Variants in ALPK1 observed in about 807,000 individuals in gnomAD.
The protein encoded by ALPK1 is alpha kinase 1, also known as alpha-protein kinase 1.
In ALPK1, 110 loss-of-function variants were observed where a neutral mutation model predicts 120.6. The ratio of observed to expected loss-of-function variants is 0.91; its 90% CI spans 0.78 to 1.07. ALPK1 has a LOEUF of 1.07. Among genes scored for constraint, ALPK1 ranks in the 50% least tolerant of loss-of-function variants. The pLI is 0.00. For synonymous variants in ALPK1, 582 were observed against 560.3 expected (o/e 1.04, Z -0.55); for missense variants, 1,498 against 1,483.9 (o/e 1.01, Z -0.16).
At chr4:112,419,660 T>C (rs1733902665) in intron 5 of ALPK1, among the ~76,000 whole-genome samples, 1 of 152,182 alleles carries the variant, frequency 6.6e-6, no homozygotes, top group South Asian at 2.1e-4. Context: ...TGTTCCATCC[T>C]CTGATGAGAA....
intron 2 of ALPK1, among the ~76,000 whole-genome samples, chr4:112,340,294 G>A (rs769114989): frequency 2.0e-5 from 3 of 152,202 alleles, no homozygotes; most frequent in Admixed American, 6.5e-5. Context: ...CAAACATTGC[G>A]TAATATAGAA....
intron 1 of ALPK1, among the ~76,000 whole-genome samples, chr4:112,300,103 A>C (rs1000450419): frequency 3.3e-5 from 5 of 152,202 alleles, no homozygotes; most frequent in Non-Finnish European, 7.4e-5. Flanking sequence ...AAATAATTGC[A>C]AGCATTCTCA....
intron 2 of ALPK1, among the ~76,000 whole-genome samples, chr4:112,322,302 G>A (rs1170118852): frequency 1.3e-5 from 2 of 152,174 alleles, no homozygotes; most frequent in Admixed American, 6.5e-5. Context: ...TAAGCATGCT[G>A]TTCTTGTCAC....
intron 2 of ALPK1, among the ~76,000 whole-genome samples, chr4:112,341,458 G>C (rs1372657021): frequency 6.6e-6 from 1 of 152,228 alleles, no homozygotes; most frequent in Admixed American, 6.5e-5. Context: ...ACAACAGGCA[G>C]TTTGGGAGAG....
At chr4:112,374,509 G>A (rs548113627) in intron 2 of ALPK1, among the ~76,000 whole-genome samples, 5 of 152,226 alleles carry the variant, frequency 3.3e-5, no homozygotes, top group South Asian at 2.1e-4. Flanking sequence ...CATGAATCAC[G>A]AATGTTCTTA....
intron 2 of ALPK1, among the ~76,000 whole-genome samples, chr4:112,363,353 G>T (rs1239030521): frequency 6.6e-6 from 1 of 152,088 alleles, no homozygotes; most frequent in Non-Finnish European, 1.5e-5. Context: ...TAAGGTAAAG[G>T]GGTGGAAAAG....
intron 4 of ALPK1, among the ~76,000 whole-genome samples, chr4:112,407,517 G>C (rs1210862726): frequency 6.6e-6 from 1 of 152,106 alleles, no homozygotes; most frequent in African/African-American, 2.4e-5. Context: ...AAATAACAGA[G>C]AGAGAGACTT....
At chr4:112,359,123 G>A in intron 2 of ALPK1, 1 of 705,328 alleles carries the variant, frequency 1.4e-6, no homozygotes, top group Non-Finnish European at 2.7e-6. Context: ...CCAAGGCTGT[G>A]GCCCAGCAGC....
intron 2 of ALPK1, among the ~76,000 whole-genome samples, chr4:112,376,027 A>G (rs908016090): frequency 1.3e-5 from 2 of 152,226 alleles, no homozygotes; most frequent in South Asian, 2.1e-4. Context: ...CAGTCAGAAG[A>G]CACACAATAT....
intron 4 of ALPK1, among the ~76,000 whole-genome samples, chr4:112,396,002 A>C (rs112090719): frequency 1.0e-3 from 158 of 152,298 alleles, no homozygotes; most frequent in African/African-American, 3.4e-3. Flanking sequence ...AATCCATTCA[A>C]ACTCTTCATT....
intron 2 of ALPK1, among the ~76,000 whole-genome samples, chr4:112,374,271 C>T (rs1017998131): frequency 3.9e-5 from 6 of 152,224 alleles, no homozygotes; most frequent in African/African-American, 1.4e-4. Context: ...CAAGAAACCA[C>T]CTTCCTTGCC....
At chr4:112,363,374 C>G (rs1730998980) in intron 2 of ALPK1, among the ~76,000 whole-genome samples, 1 of 151,996 alleles carries the variant, frequency 6.6e-6, no homozygotes, top group Non-Finnish European at 1.5e-5. Flanking sequence ...ATATTGCATG[C>G]AAATGGACAC....
At chr4:112,409,128 T>C (rs911352909) in intron 4 of ALPK1, among the ~76,000 whole-genome samples, 1 of 150,802 alleles carries the variant, frequency 6.6e-6, no homozygotes, top group African/African-American at 2.4e-5. Context: ...TTCAGATTGA[T>C]ACGTTGGTTT....
At chr4:112,339,392 T>C (rs1343583403) in intron 2 of ALPK1, among the ~76,000 whole-genome samples, 1 of 152,238 alleles carries the variant, frequency 6.6e-6, no homozygotes, top group African/African-American at 2.4e-5. Context: ...CATTAGATAG[T>C]GTAACAGACA....
chr4:112,345,259 T>C (rs2148708063), intron 2 of ALPK1, among the ~76,000 whole-genome samples: 1 of 152,368 alleles, frequency 6.6e-6, no homozygotes, highest in South Asian at 2.1e-4. Context: ...ATTTAACTTT[T>C]TGTTTGTATT....
At chr4:112,374,534 G>A (rs1173457756) in intron 2 of ALPK1, among the ~76,000 whole-genome samples, 1 of 152,054 alleles carries the variant, frequency 6.6e-6, no homozygotes, top group African/African-American at 2.4e-5. Context: ...TATCTAGAAT[G>A]GTGATTCCTT....
chr4:112,392,601 A>G (rs1360524911), intron 4 of ALPK1, among the ~76,000 whole-genome samples: 2 of 152,214 alleles, frequency 1.3e-5, no homozygotes, highest in East Asian at 3.8e-4. Context: ...ATTTTGGCTG[A>G]CTGTAACCTC....
intron 9 of ALPK1, 149 bp downstream of exon 9, chr4:112,427,814 G>T: frequency 1.6e-6 from 1 of 619,438 alleles, no homozygotes; most frequent in Non-Finnish European, 2.9e-6. Flanking sequence ...CTGGGGAGGA[G>T]TCTTGTGGGG....
At chr4:112,340,646 C>T (rs1206105500) in intron 2 of ALPK1, among the ~76,000 whole-genome samples, 11 of 152,174 alleles carry the variant, frequency 7.2e-5, no homozygotes, top group Non-Finnish European at 1.5e-4. Context: ...CCCCCTCAAC[C>T]CTTTTCACCT....
Sources: gnomAD v4.1 joint callset for allele counts (sites outside exome capture counted in the v4.1 genomes callset) on GRCh38, gnomAD v4.1.1 for gene constraint, MANE v1.5 for transcripts, NCBI Gene and HGNC (gene_info 2026-07-23, HGNC 2026-07-21) for gene names.